The following B3GNT6 variants were observed in gnomAD, a reference collection of about 807,000 sequenced individuals.
The protein encoded by B3GNT6 is UDP-GlcNAc:betaGal beta-1,3-N-acetylglucosaminyltransferase 6.
For synonymous variants in B3GNT6, 300 were observed against 270.0 expected, an observed-to-expected ratio of 1.11 and a Z score of -1.09; for missense variants, 624 against 568.6, an observed-to-expected ratio of 1.10 and a Z score of -0.99.
In B3GNT6 at chr11:77,040,479, G is replaced by T. The variant is rs1555027773; in HGVS notation, c.928G>T (p.Ala310Ser). ...CACCCCGCTCTTCCCCATCGACGAC[G>T]CCTACATGGGCATGTGTCTGGAGCG... ...RHTPLFPIDDAYMGMCLERAG... is the reference protein window; with the variant it reads ...RHTPLFPIDDSYMGMCLERAG... Residue 310 changes from alanine (A) to serine (S), a missense_variant, in exon 2 of 2, where the codon GCC (alanine) becomes TCC (serine). Ala to Ser is a moderately conservative substitution (Grantham distance 99, BLOSUM62 1). Transcript: ENST00000622824. 3.9e-6 allele frequency: 6 copies of T among 1,538,304 alleles called. No homozygotes were observed. Among genetic ancestry groups the T allele is most frequent in the Non-Finnish European group, 5.2e-6 (6 of 1,147,634 alleles).
At position 77,039,981 on chromosome 11, in the gene B3GNT6, C is replaced by T. The variant is rs1555027530; in HGVS notation, c.430C>T (p.Arg144Cys). The T allele has an allele frequency of 6.3e-7, 1 of 1,588,610 alleles. No homozygotes were observed. The highest frequency in any genetic ancestry group is 1.7e-5 in the Admixed American group (1 of 59,050). Residue 144 changes from arginine (R) to cysteine (C), a missense_variant, in exon 2 of 2, where the codon CGC becomes TGC. Transcript: ENST00000622824. ...CATCCGGCGCACGTGGGGGCAAGAG[C>T]GCAGCTACGGCGGGCGGCCAGTGCG... Reference protein sequence around the residue: ...ELIRRTWGQERSYGGRPVRRL... With the variant: ...ELIRRTWGQECSYGGRPVRRL...
At chr11:77,035,370 C>T (rs548797439) in intron 1 of B3GNT6, among the ~76,000 whole-genome samples, 15 of 152,362 alleles carry the variant, frequency 9.8e-5, no homozygotes, top group African/African-American at 3.4e-4. Flanking sequence ...ACATGCCAGG[C>T]ATGGCTCTGA....
intron 1 of B3GNT6, among the ~76,000 whole-genome samples, chr11:77,034,890 G>A (rs1949622136): frequency 6.6e-6 from 1 of 152,190 alleles, no homozygotes; most frequent in Non-Finnish European, 1.5e-5. Context: ...CAGGCGAGAT[G>A]GCTCATGCCT....
intron 1 of B3GNT6, among the ~76,000 whole-genome samples, chr11:77,035,657 A>G (rs149288940): frequency 6.6e-6 from 1 of 152,362 alleles, no homozygotes; most frequent in African/African-American, 2.4e-5. Flanking sequence ...TTTAAGGTGC[A>G]TGGGCTCCAG....
In B3GNT6 at chr11:77,040,562, T is replaced by C. The variant is rs1555027836; in HGVS notation, c.1011T>C (p.Pro337=). 6.3e-7 allele frequency: 1 copy of C among 1,585,852 alleles called. No homozygotes were observed. Residue 337 remains proline (P), a synonymous_variant, in exon 2 of 2, where the codon CCT becomes CCC. Transcript: ENST00000622824. ...TCCGACCCTTCGGCGTGCAGCTGCC[T>C]GGCGCACAGCAGTCCTCCTTCGACC... ...EGIRPFGVQL[P]GAQQSSFDPC... is the part of the protein sequence containing the mutation.
At position 77,040,587 on chromosome 11, in the gene B3GNT6, C is replaced by T; in HGVS notation, c.1036C>T (p.Pro346Ser). 6.3e-7 allele frequency: 1 copy of T among 1,594,344 alleles called. No individual in the cohort carries two copies. Among genetic ancestry groups the T allele is most frequent in the Non-Finnish European group, 8.5e-7 (1 of 1,177,310 alleles). Residue 346 changes from proline to serine, a missense_variant, in exon 2 of 2, where the codon CCC becomes TCC. Coordinates refer to ENST00000622824, the MANE Select transcript of B3GNT6 (RefSeq NM_138706.5). ...TGGCGCACAGCAGTCCTCCTTCGAC[C>T]CCTGCATGTACCGCGAGTTGCTGCT... ...LPGAQQSSFD[P>S]CMYRELLLVH...
chr11:77,038,306 T>C (rs1483441192), intron 1 of B3GNT6, among the ~76,000 whole-genome samples: 1 of 149,856 alleles, frequency 6.7e-6, no homozygotes, highest in South Asian at 2.1e-4. Flanking sequence ...ATGCCTGTAA[T>C]CCCAGCACTT....
chr11:77,039,308 T>G (rs1176862516), intron 1 of B3GNT6, among the ~76,000 whole-genome samples: 2 of 152,070 alleles, frequency 1.3e-5, no homozygotes, highest in African/African-American at 4.8e-5. Context: ...TGTGACGGGT[T>G]GTGGGGCGGT....
rs1301334993 is a variant in B3GNT6 at position 77,040,223 on chromosome 11, C to T, written c.672C>T (p.Asp224=). 3 of 1,599,112 alleles carry T rather than the reference C, an allele frequency of 1.9e-6. No individual in the cohort carries two copies. Among genetic ancestry groups the T allele is most frequent in the Non-Finnish European group, 1.7e-6 (2 of 1,179,450 alleles). The change falls in exon 2 of 2, where the codon GAC becomes GAT. Residue 224 remains aspartate (D), a synonymous_variant. Coordinates refer to ENST00000622824, the MANE Select transcript of B3GNT6 (RefSeq NM_138706.5). Reference sequence around the variant, plus strand: ...GCTTTCTGCTCAGCGGCGACGACGACGTGTTCGTGCACACCGCCAACGTAG... The same window carrying T: ...GCTTTCTGCTCAGCGGCGACGACGATGTGTTCGTGCACACCGCCAACGTAG... ...HARFLLSGDD[D]VFVHTANVVR...
At chr11:77,038,043 T>C (rs1232023132) in intron 1 of B3GNT6, among the ~76,000 whole-genome samples, 1 of 1,372 alleles carries the variant, frequency 7.3e-4, no homozygotes, top group Non-Finnish European at 1.6e-3. Flanking sequence ...AGGGATAGGA[T>C]GGGAGGGGAA....
In B3GNT6 at chr11:77,040,509, G is replaced by A. The variant is rs781987873; in HGVS notation, c.958G>A (p.Gly320Ser). 7.6e-5 allele frequency: 118 copies of A among 1,549,646 alleles called. No homozygotes were observed. Among genetic ancestry groups the A allele is most frequent in the Admixed American group, 7.6e-5 (4 of 52,576 alleles). Residue 320 changes from glycine to serine, a missense_variant, in exon 2 of 2, where the codon GGC (glycine) becomes AGC (serine). By Grantham distance (56) the Gly-to-Ser change is moderately conservative. Transcript: ENST00000622824. ...AYMGMCLERA[G>S]LAPSGHEGIR... is the part of the protein sequence containing the mutation. ...CATGGGCATGTGTCTGGAGCGCGCCGGCCTGGCGCCCAGCGGCCACGAGGG... is the reference window on the plus strand; with the variant it reads ...CATGGGCATGTGTCTGGAGCGCGCCAGCCTGGCGCCCAGCGGCCACGAGGG...
rs782689137 is a variant in B3GNT6 at position 77,040,296 on chromosome 11, C to T, written c.745C>T (p.Gln249Ter). The T allele has an allele frequency of 7.6e-6, 12 of 1,589,332 alleles. No individual in the cohort carries two copies. Among genetic ancestry groups the T allele is most frequent in the Non-Finnish European group, 9.4e-6 (11 of 1,175,514 alleles). Residue 249 changes from glutamine to a stop codon, truncating the protein, a stop_gained, in exon 2 of 2, where the codon CAG (glutamine) becomes TAG (stop). Coordinates refer to ENST00000622824, the MANE Select transcript of B3GNT6 (RefSeq NM_138706.5). LOFTEE classifies it low-confidence loss of function (END_TRUNC). ...ACCCGGCCGCCACCTGTTCTCCGGC[C>T]AGCTCATGGAGGGCTCCGTGCCCAT... ...QPPGRHLFSGQLMEGSVPIRD... is the reference protein window; with the variant it reads ...QPPGRHLFSG
At position 77,039,713 on chromosome 11, in the gene B3GNT6, TCCCGCGGCTGACGAGCCGCC is replaced by T. The variant is rs1949666338; in HGVS notation, c.164_183del (p.Pro55LeufsTer67). The T allele has an allele frequency of 1.2e-6, 2 of 1,606,344 alleles. No homozygotes were observed. The highest frequency in any genetic ancestry group is 1.7e-6 in the Non-Finnish European group (2 of 1,177,648). On this transcript the variant is annotated frameshift_variant, in exon 2 of 2. Coordinates refer to ENST00000622824, the MANE Select transcript of B3GNT6 (RefSeq NM_138706.5). LOFTEE classifies it low-confidence loss of function (END_TRUNC). Reference sequence around the variant, plus strand: ...AGACGCCAGAGGGTCCCACCGACGCTCCCGCGGCTGACGAGCCGCCCTCGGAGCTCGTCCCCGGGCCCCCG... The same window carrying T: ...AGACGCCAGAGGGTCCCACCGACGCTCTCGGAGCTCGTCCCCGGGCCCCCG...
chr11:77,039,396 G>A (rs528758191), intron 1 of B3GNT6, among the ~76,000 whole-genome samples, 156 bp from the exon 2 acceptor site: 1 of 152,312 alleles, frequency 6.6e-6, no homozygotes, highest in African/African-American at 2.4e-5. Context: ...GAGACCGTCA[G>A]TGTAATCTTG....
Position 77,040,945 on chromosome 11 carries a change from C to A in B3GNT6, c.*239C>A. 1.7e-6 allele frequency: 1 copy of A among 581,702 alleles called. No homozygotes were observed. The highest frequency in any genetic ancestry group is 2.7e-6 in the Non-Finnish European group (1 of 368,078). 36.0% of individuals were successfully genotyped at this position (581,702 alleles called of 1,614,324 possible). ...ATGTTAAGTATTTTTTAAGTTCCTC[C>A]AGTGATGCGAATGTGCAGCTAGGCC... On this transcript the variant is annotated 3_prime_UTR_variant, in exon 2 of 2. Transcript: ENST00000622824.
chr11:77,040,460 G>C lies in B3GNT6; in HGVS notation c.909G>C (p.Pro303=). The part of the protein sequence containing the change: ...RALRAAARHT[P]LFPIDDAYMG... ...TGCGCGCGGCCGCCCGCCACACCCC[G>C]CTCTTCCCCATCGACGACGCCTACA... The change falls in exon 2 of 2, where the codon CCG becomes CCC. Residue 303 remains proline (P), a synonymous_variant. Coordinates refer to ENST00000622824, the MANE Select transcript of B3GNT6 (RefSeq NM_138706.5). 8 of 1,536,080 alleles carry C rather than the reference G, an allele frequency of 5.2e-6. No individual in the cohort carries two copies. Among genetic ancestry groups the C allele is most frequent in the Non-Finnish European group, 7.0e-6 (8 of 1,146,384 alleles).
chr11:77,040,811 A>G lies in B3GNT6; in HGVS notation c.*105A>G. 7.1e-7 allele frequency: 1 copy of G among 1,404,626 alleles called. No individual in the cohort carries two copies. Among genetic ancestry groups the G allele is most frequent in the Non-Finnish European group, 9.2e-7 (1 of 1,081,588 alleles). 87.0% of individuals were successfully genotyped at this position (1,404,626 alleles called of 1,614,324 possible). On this transcript the variant is annotated 3_prime_UTR_variant, in exon 2 of 2. Transcript: ENST00000622824. ...CGTCCTGCCCAGCTCTGTGCACCTGAACCCCAGCTGCGCACTGAAATCAGC... is the reference window on the plus strand; with the variant it reads ...CGTCCTGCCCAGCTCTGTGCACCTGGACCCCAGCTGCGCACTGAAATCAGC...
In B3GNT6 at chr11:77,040,398, G is replaced by A; in HGVS notation, c.847G>A (p.Gly283Ser). 1 of 1,532,360 alleles carries A rather than the reference G, an allele frequency of 6.5e-7. No individual in the cohort carries two copies. The highest frequency in any genetic ancestry group is 8.7e-7 in the Non-Finnish European group (1 of 1,145,068). 94.9% of individuals were successfully genotyped at this position (1,532,360 alleles called of 1,614,324 possible). A position where few individuals can be genotyped will look rare whatever the true frequency, so the allele number is the denominator to read the frequency against. The change falls in exon 2 of 2, where the codon GGC becomes AGC. Residue 283 changes from glycine (G) to serine (S), a missense_variant. Physicochemically the swap from Gly to Ser is moderately conservative, Grantham distance 56 (BLOSUM62 0). Coordinates refer to ENST00000622824, the MANE Select transcript of B3GNT6 (RefSeq NM_138706.5). Reference sequence around the variant, plus strand: ...CGCTTACCCGGTGTACTGCAGCGGCGGCGGCTTCCTCCTGTCCGGCCCCAC... The same window carrying A: ...CGCTTACCCGGTGTACTGCAGCGGCAGCGGCTTCCTCCTGTCCGGCCCCAC... ...GSAYPVYCSG[G>S]GFLLSGPTAR... is the part of the protein sequence containing the mutation.
chr11:77,036,807 C>T (rs1949636074), intron 1 of B3GNT6, among the ~76,000 whole-genome samples: 1 of 152,204 alleles, frequency 6.6e-6, no homozygotes, highest in African/African-American at 2.4e-5. Flanking sequence ...GCTGGTAATA[C>T]AACGGTGAAG....
Sources: allele counts gnomAD v4.1 joint callset (sites outside exome capture counted in the v4.1 genomes callset), GRCh38; gene constraint gnomAD v4.1.1; transcripts MANE v1.5; gene names NCBI Gene and HGNC (gene_info 2026-07-23, HGNC 2026-07-21).